FAM135B: variants seen among roughly 807,000 people sequenced by gnomAD.
The protein encoded by FAM135B is family with sequence similarity 135 member B, also known as protein FAM135B.
A neutral mutation model predicts 127.7 loss-of-function variants in FAM135B; 43 were observed. That is an observed-to-expected ratio of 0.34 (90% confidence interval 0.26 to 0.43). The LOEUF is 0.43. FAM135B is among the 20% of genes least tolerant of loss of function. The pLI is 1.00. For synonymous variants in FAM135B, 670 were observed against 665.1 expected (o/e 1.01, Z -0.11); for missense variants, 1,558 against 1,725.6 (o/e 0.90, Z 1.72).
chr8:138,179,725 G>A (rs1222053545), intron 9 of FAM135B, among the ~76,000 whole-genome samples: 3 of 152,032 alleles, frequency 2.0e-5, no homozygotes, highest in African/African-American at 4.8e-5. Flanking sequence ...ACAGGGTCTC[G>A]CTCTGTCACC....
chr8:138,445,909 C>A (rs973490746), intron 1 of FAM135B, among the ~76,000 whole-genome samples: 1 of 152,160 alleles, frequency 6.6e-6, no homozygotes. Flanking sequence ...AAAACCCCAT[C>A]ATCTCAGCCC....
intron 1 of FAM135B, among the ~76,000 whole-genome samples, chr8:138,462,041 G>GATA (rs1323018042): frequency 6.6e-6 from 1 of 151,982 alleles, no homozygotes; most frequent in Non-Finnish European, 1.5e-5. Flanking sequence ...GATAGATGAT[G>GATA]ATAATAATGA....
chr8:138,395,244 C>T (rs561802549), intron 1 of FAM135B, among the ~76,000 whole-genome samples: 5 of 152,214 alleles, frequency 3.3e-5, no homozygotes, highest in Non-Finnish European at 5.9e-5. Context: ...ATTATCTCTC[C>T]TCTGTAGCCC....
chr8:138,299,410 T>G (rs1476569251), intron 3 of FAM135B, among the ~76,000 whole-genome samples: 1 of 152,224 alleles, frequency 6.6e-6, no homozygotes, highest in South Asian at 2.1e-4. Flanking sequence ...CAAACAACAA[T>G]GAGCCCAGCA....
chr8:138,302,290 T>C (rs1490300480), intron 3 of FAM135B, among the ~76,000 whole-genome samples: 3 of 152,084 alleles, frequency 2.0e-5, no homozygotes, highest in South Asian at 4.1e-4. Context: ...GAGGTTGTTC[T>C]CTCTTCCACC....
At chr8:138,462,521 G>C (rs2131621125) in intron 1 of FAM135B, among the ~76,000 whole-genome samples, 2 of 152,302 alleles carry the variant, frequency 1.3e-5, no homozygotes, top group Middle Eastern at 6.8e-3. Flanking sequence ...CTCACCCAGA[G>C]GGTGTGCAGG....
intron 2 of FAM135B, among the ~76,000 whole-genome samples, chr8:138,348,020 T>C (rs1484683321): frequency 6.6e-6 from 1 of 152,050 alleles, no homozygotes; most frequent in African/African-American, 2.4e-5. Flanking sequence ...TTACTGTTGT[T>C]ATCCCAGTGG....
At chr8:138,143,885 G>A (rs1269703879) in intron 15 of FAM135B, among the ~76,000 whole-genome samples, 7 of 152,288 alleles carry the variant, frequency 4.6e-5, no homozygotes, top group Non-Finnish European at 7.4e-5. Flanking sequence ...AAAGGAGTAC[G>A]TGTTGGAGGA....
intron 3 of FAM135B, among the ~76,000 whole-genome samples, chr8:138,306,759 T>A (rs1255446422): frequency 6.6e-6 from 1 of 152,096 alleles, no homozygotes; most frequent in Non-Finnish European, 1.5e-5. Flanking sequence ...ATTTTTTCTA[T>A]TTTTAGTAGA....
chr8:138,234,203 A>G (rs1298471348), intron 7 of FAM135B, among the ~76,000 whole-genome samples: 1 of 152,262 alleles, frequency 6.6e-6, no homozygotes, highest in Non-Finnish European at 1.5e-5. Flanking sequence ...TGTGTTGACA[A>G]CAGTATAAAA....
rs1826639451 is a variant in FAM135B, at chr8:138,310,937, G to A, written c.78-17C>T. ...TGGTAATACCTAAGAAAAGAGAAGAGGACAGGGTGCTGAAGATCAGCCTTC... is the reference window on the plus strand; with the variant it reads ...TGGTAATACCTAAGAAAAGAGAAGAAGACAGGGTGCTGAAGATCAGCCTTC... On this transcript the variant is annotated splice_polypyrimidine_tract_variant and intron_variant, in intron 2 of 19. Transcript: ENST00000395297. The A allele has an allele frequency of 6.2e-7, 1 of 1,602,990 alleles. No individual in the cohort carries two copies. Among genetic ancestry groups the A allele is most frequent in the Non-Finnish European group, 8.5e-7 (1 of 1,172,794 alleles).
chr8:138,495,497 A>G (rs551980361), intron 1 of FAM135B, among the ~76,000 whole-genome samples: 2 of 152,300 alleles, frequency 1.3e-5, no homozygotes, highest in South Asian at 2.1e-4. Context: ...TAAAAGCCCA[A>G]TTAAAGAACA....
At chr8:138,206,708 C>T (rs1817690922) in intron 7 of FAM135B, among the ~76,000 whole-genome samples, 1 of 149,284 alleles carries the variant, frequency 6.7e-6, no homozygotes, top group African/African-American at 2.5e-5. Context: ...CATCTACGCA[C>T]AGCTCTATCA....
At chr8:138,202,579 C>G (rs1013182040) in intron 7 of FAM135B, among the ~76,000 whole-genome samples, 1 of 152,154 alleles carries the variant, frequency 6.6e-6, no homozygotes, top group Admixed American at 6.5e-5. Context: ...CACTTACTAC[C>G]AATGTCACCT....
At chr8:138,285,672 G>A (rs934591068) in intron 3 of FAM135B, among the ~76,000 whole-genome samples, 15 of 152,208 alleles carry the variant, frequency 9.9e-5, no homozygotes, top group African/African-American at 2.9e-4. Flanking sequence ...AGAGAGCTGA[G>A]CAAAGTACAC....
At chr8:138,299,401 A>C (rs754676092) in intron 3 of FAM135B, among the ~76,000 whole-genome samples, 3 of 152,176 alleles carry the variant, frequency 2.0e-5, no homozygotes, top group Non-Finnish European at 4.4e-5. Flanking sequence ...TCCCCCCTCC[A>C]AACAACAATG....
chr8:138,244,345 C>T (rs1413095010), intron 6 of FAM135B, among the ~76,000 whole-genome samples: 1 of 145,556 alleles, frequency 6.9e-6, no homozygotes, highest in East Asian at 2.1e-4. Context: ...TATGGTCAAG[C>T]AGTGAGGGGG....
intron 5 of FAM135B, among the ~76,000 whole-genome samples, chr8:138,251,965 A>T (rs1375122081): frequency 6.6e-6 from 1 of 152,150 alleles, no homozygotes. Flanking sequence ...GTCTCTTAAG[A>T]CCCAACACCA....
At chr8:138,181,774 A>T (rs72721689) in intron 9 of FAM135B, among the ~76,000 whole-genome samples, 4,518 of 151,682 alleles carry the variant, frequency 0.03, 87 homozygotes, top group South Asian at 0.043. Flanking sequence ...GCTTCTGATG[A>T]CTCTTCTGAA....
Sources: gnomAD v4.1 joint callset for allele counts (sites outside exome capture counted in the v4.1 genomes callset) on GRCh38, gnomAD v4.1.1 for gene constraint, MANE v1.5 for transcripts, NCBI Gene and HGNC (gene_info 2026-07-23, HGNC 2026-07-21) for gene names.